The following DRG2 variants were observed in gnomAD, a reference collection of about 807,000 sequenced individuals.
The protein encoded by DRG2 is developmentally-regulated GTP-binding protein 2.
In DRG2, 36 loss-of-function variants were observed where a neutral mutation model predicts 53.4. The ratio of observed to expected loss-of-function variants is 0.67; its 90% CI spans 0.52 to 0.89. The LOEUF is 0.89. Among genes scored for constraint, DRG2 ranks in the 40% least tolerant of loss-of-function variants. The pLI, the probability that DRG2 is intolerant of heterozygous loss-of-function variation, is 0.00. For synonymous variants in DRG2, 167 were observed against 192.1 expected (o/e 0.87, Z 1.08); for missense variants, 342 against 481.2 (o/e 0.71, Z 2.71).
chr17:18,103,897 G>C lies in DRG2; in HGVS notation c.895+8G>C, dbSNP rs146860252. The C allele has an allele frequency of 1.6e-4, 256 of 1,613,662 alleles. No individual in the cohort carries two copies. The highest frequency in any genetic ancestry group is 2.1e-4 in the Non-Finnish European group (245 of 1,179,644). Reference sequence around the variant, plus strand: ...ACACCAAGAAGAGAGGACGTGAGTTGCACTGCGCGTAGCTGAAAAACAGGC... The same window carrying C: ...ACACCAAGAAGAGAGGACGTGAGTTCCACTGCGCGTAGCTGAAAAACAGGC... On this transcript the variant is annotated splice_region_variant and intron_variant, in intron 10 of 12. Transcript: ENST00000225729. This position sits in a 1 kb window ranked among gnomAD's most constrained non-coding sequence, Gnocchi z 4.4.
At chr17:18,101,138 G>T (rs1238567067) in intron 7 of DRG2, among the ~76,000 whole-genome samples, 3 of 152,136 alleles carry the variant, frequency 2.0e-5, no homozygotes, top group African/African-American at 7.2e-5. Flanking sequence ...AGGCAGGATG[G>T]CCCCCAGTGG....
intron 1 of DRG2, among the ~76,000 whole-genome samples, chr17:18,091,324 G>A (rs547458881): frequency 2.5e-4 from 38 of 152,154 alleles, no homozygotes; most frequent in Non-Finnish European, 4.7e-4. Flanking sequence ...AGTGGCTCAC[G>A]CCTGTAATCC....
In DRG2 at chr17:18,099,893, A is replaced by G; in HGVS notation, c.467+170A>G. On this transcript the variant is annotated intron_variant, in intron 5 of 12. Transcript: ENST00000225729. This position sits in a 1 kb window ranked among gnomAD's most constrained non-coding sequence, Gnocchi z 4.4. ...ACCCAGCCTATGGCGTCTTCTCCTC[A>G]AGGCTTGTGTCCAGCCAGCACAGAG... The G allele has an allele frequency of 1.5e-6, 1 of 679,168 alleles. No individual in the cohort carries two copies. Among genetic ancestry groups the G allele is most frequent in the East Asian group, 2.7e-5 (1 of 36,698 alleles). 42.1% of individuals were successfully genotyped at this position (679,168 alleles called of 1,614,324 possible).
At chr17:18,102,931 G>T (rs77509819) in intron 9 of DRG2, among the ~76,000 whole-genome samples, 1,902 of 152,280 alleles carry the variant, frequency 0.012, 44 homozygotes, top group East Asian at 0.11. Context: ...TTCCTGACTT[G>T]AGGCAGGCAC....
chr17:18,099,606 G>A lies in DRG2; in HGVS notation c.377-27G>A, dbSNP rs773706752. ...GTAGCAGTCACATGGGTCCACATAT[G>A]TAACTGCATCCCTCACACCCATCCA... On this transcript the variant is annotated intron_variant, in intron 4 of 12. Transcript: ENST00000225729. The surrounding 1 kb of genome is among the most constrained non-coding windows in gnomAD (Gnocchi z 4.4). The A allele has an allele frequency of 4.4e-6, 7 of 1,585,754 alleles. No homozygotes were observed. The East Asian group carries it at 1.6e-4, about 36-fold the overall frequency.
At position 18,103,320 on chromosome 17, in the gene DRG2, C is replaced by T. The variant is rs854808; in HGVS notation, c.807-481C>T. On this transcript the variant is annotated intron_variant, in intron 9 of 12. Transcript: ENST00000225729. This position sits in a 1 kb window ranked among gnomAD's most constrained non-coding sequence, Gnocchi z 4.4. ...TCTTTTTAATCCCTCTGCAGTCCTGCGAGGTAGGGACTGGGTTCATGCCTG... is the reference window on the plus strand; with the variant it reads ...TCTTTTTAATCCCTCTGCAGTCCTGTGAGGTAGGGACTGGGTTCATGCCTG... Among the ~76,000 whole-genome samples the T allele has an allele frequency of 0.43, 65,868 of 151,776 alleles. 15,381 individuals carry two copies. Among genetic ancestry groups the T allele is most frequent in the South Asian group, 0.7 (3,380 of 4,804 alleles).
chr17:18,101,603 G>A lies in DRG2; in HGVS notation c.729+13G>A. On this transcript the variant is annotated intron_variant, in intron 8 of 12. Coordinates refer to ENST00000225729, the MANE Select transcript of DRG2 (RefSeq NM_001388.5). ...GCCCTGCCTGTATGTAAGTGCAGGA[G>A]GGGAGCCCTGGCCTGGCCACTCGGC... The A allele has an allele frequency of 6.2e-7, 1 of 1,612,430 alleles. No individual in the cohort carries two copies. Among genetic ancestry groups the A allele is most frequent in the South Asian group, 1.1e-5 (1 of 91,032 alleles).
intron 2 of DRG2, chr17:18,096,395 T>C (rs961751638): frequency 6.6e-6 from 1 of 152,258 alleles, no homozygotes; most frequent in Non-Finnish European, 1.5e-5. Flanking sequence ...CCGTATGGAT[T>C]CGTGGGGGGT....
chr17:18,107,282 G>A lies in DRG2; in HGVS notation c.*42G>A. ...TCCCGCCCACCTGCCTCGTCTCCCT[G>A]GGGAGGTGGTCCCACTGGGACACAC... is the stretch of plus-strand genomic sequence containing the variant. On this transcript the variant is annotated 3_prime_UTR_variant, in exon 13 of 13. Transcript: ENST00000225729. 1 of 1,593,442 alleles carries A rather than the reference G, an allele frequency of 6.3e-7. No individual in the cohort carries two copies. Among genetic ancestry groups the A allele is most frequent in the Non-Finnish European group, 8.6e-7 (1 of 1,165,886 alleles).
At chr17:18,102,418 C>T (rs893027598) in intron 9 of DRG2, among the ~76,000 whole-genome samples, 1 of 151,864 alleles carries the variant, frequency 6.6e-6, no homozygotes, top group Non-Finnish European at 1.5e-5. Context: ...GTCAGGAGAT[C>T]GAGACTATCC....
In DRG2 at chr17:18,088,010, C is replaced by G; in HGVS notation, c.-14C>G. 6.5e-7 allele frequency: 1 copy of G among 1,547,866 alleles called. No individual in the cohort carries two copies. Among genetic ancestry groups the G allele is most frequent in the African/African-American group, 1.4e-5 (1 of 73,006 alleles). On this transcript the variant is annotated 5_prime_UTR_variant, in exon 1 of 13. Transcript: ENST00000225729. ...GCCGCCACCGCTGTCTGTGCGCCCACCTCTGCTGCTACCATGGGGATCTTA... is the reference window on the plus strand; with the variant it reads ...GCCGCCACCGCTGTCTGTGCGCCCAGCTCTGCTGCTACCATGGGGATCTTA...
chr17:18,100,103 T>A lies in DRG2; in HGVS notation c.468-260T>A. ...CTCGGGACCAGAAGGAGTACCCTCA[T>A]GTGGTCACCTCGCGGGGGCTCCACC... is the stretch of plus-strand genomic sequence containing the variant. On this transcript the variant is annotated intron_variant, in intron 5 of 12. Transcript: ENST00000225729. This position sits in a 1 kb window ranked among gnomAD's most constrained non-coding sequence, Gnocchi z 4.1. The A allele has an allele frequency of 1.7e-6, 1 of 585,316 alleles. No individual in the cohort carries two copies. The allele number at this position is 585,316 out of a possible 1,614,324, so 36.3% of individuals were successfully genotyped here.
intron 1 of DRG2, among the ~76,000 whole-genome samples, chr17:18,093,562 C>A (rs2045372372): frequency 6.6e-6 from 1 of 152,206 alleles, no homozygotes; most frequent in East Asian, 1.9e-4. Flanking sequence ...AGGTGATCCA[C>A]CCGCCTCGGC....
At chr17:18,092,871 A>G (rs2045358445) in intron 1 of DRG2, among the ~76,000 whole-genome samples, 1 of 152,190 alleles carries the variant, frequency 6.6e-6, no homozygotes, top group Non-Finnish European at 1.5e-5. Context: ...AGGGGCTGCC[A>G]TGGCAGCGTG....
In DRG2 at chr17:18,101,540, G is replaced by A. The variant is rs2045536452; in HGVS notation, c.679G>A (p.Glu227Lys). The A allele has an allele frequency of 3.1e-6, 5 of 1,614,170 alleles. No individual in the cohort carries two copies. Among genetic ancestry groups the A allele is most frequent in the Non-Finnish European group, 4.2e-6 (5 of 1,180,038 alleles). Residue 227 changes from glutamate to lysine, a missense_variant, in exon 8 of 13, where the codon GAG (glutamate) becomes AAG (lysine). Coordinates refer to ENST00000225729, the MANE Select transcript of DRG2 (RefSeq NM_001388.5). The part of the protein sequence containing the change: ...VLFREDCSPD[E>K]FIDVIVGNRV... ...TTTCCGAGAAGACTGCTCCCCGGAC[G>A]AGTTCATCGATGTGATCGTGGGCAA...
chr17:18,100,763 T>C lies in DRG2; in HGVS notation c.631+104T>C. ...CCTCATGGAGCAGGGTGGCAGCAGGTCACCCCCACTGCCCCTGCTGTCCAT... is the reference window on the plus strand; with the variant it reads ...CCTCATGGAGCAGGGTGGCAGCAGGCCACCCCCACTGCCCCTGCTGTCCAT... On this transcript the variant is annotated intron_variant, in intron 7 of 12. Coordinates refer to ENST00000225729, the MANE Select transcript of DRG2 (RefSeq NM_001388.5). This position sits in a 1 kb window ranked among gnomAD's most constrained non-coding sequence, Gnocchi z 4.1. The C allele has an allele frequency of 9.1e-7, 1 of 1,100,780 alleles. No individual in the cohort carries two copies. Among genetic ancestry groups the C allele is most frequent in the Non-Finnish European group, 1.3e-6 (1 of 750,472 alleles). 68.2% of individuals were successfully genotyped at this position (1,100,780 alleles called of 1,614,324 possible). A position where few individuals can be genotyped will look rare whatever the true frequency, so the allele number is the denominator to read the frequency against.
Position 18,098,354 on chromosome 17 carries a change from A to C in DRG2, c.310A>C (p.Ile104Leu), listed in dbSNP as rs754133657. 1.2e-6 allele frequency: 2 copies of C among 1,613,812 alleles called. No individual in the cohort carries two copies. The change falls in exon 3 of 13, where the codon ATT becomes CTT. Residue 104 changes from isoleucine to leucine, a missense_variant. Transcript: ENST00000225729. The surrounding 1 kb of genome is among the most constrained non-coding windows in gnomAD (Gnocchi z 4.1). ...FTTLTCIPGV[I>L]EYKGANIQLL... ...CACTCTGACGTGTATTCCTGGGGTC[A>C]TTGAAGTAAGTGGGTGTGCTGGGCC...
At chr17:18,094,756 C>T (rs774048735) in intron 2 of DRG2, among the ~76,000 whole-genome samples, 2 of 151,924 alleles carry the variant, frequency 1.3e-5, no homozygotes, top group Non-Finnish European at 2.9e-5. Context: ...GGGTGGATCA[C>T]CTGAGGTTGG....
chr17:18,095,324 A>G (rs1278563260), intron 2 of DRG2: 1 of 142,640 alleles, frequency 7.0e-6, no homozygotes, highest in Non-Finnish European at 1.5e-5. Context: ...ATTTACTTTT[A>G]TGTGAGGAAT....
Sources: gnomAD v4.1 joint callset for allele counts (sites outside exome capture counted in the v4.1 genomes callset) on GRCh38, gnomAD v4.1.1 for gene constraint, Gnocchi (gnomAD v3.1) non-coding constraint, MANE v1.5 for transcripts, NCBI Gene and HGNC (gene_info 2026-07-23, HGNC 2026-07-21) for gene names.